Variants in ADCY2 observed in about 807,000 individuals in gnomAD.
ADCY2 encodes the protein adenylate cyclase type 2.
In ADCY2, 31 loss-of-function variants were observed where a neutral mutation model predicts 125.2. That is an observed-to-expected ratio of 0.25 (90% confidence interval 0.19 to 0.33). ADCY2 has a LOEUF of 0.33. ADCY2 is among the 10% of genes least tolerant of loss of function. ADCY2 has a pLI of 1.00. For missense variants in ADCY2, 904 were observed against 1,418.2 expected (o/e 0.64, Z 5.82); for synonymous variants, 512 against 548.4 (o/e 0.93, Z 0.93).
At chr5:7,674,792 T>C (rs947601078) in intron 4 of ADCY2, among the ~76,000 whole-genome samples, 9 of 152,184 alleles carry the variant, frequency 5.9e-5, no homozygotes, top group African/African-American at 2.2e-4. Context: ...TTGAAGTTTA[T>C]AATACTGAAC....
intron 3 of ADCY2, among the ~76,000 whole-genome samples, chr5:7,560,775 A>G (rs1205616415): frequency 2.0e-5 from 3 of 151,848 alleles, no homozygotes; most frequent in African/African-American, 7.2e-5. Flanking sequence ...TGCAACCTCC[A>G]CCTCCGAGAT....
chr5:7,812,643 C>T lies in ADCY2; in HGVS notation c.2884-4223C>T, dbSNP rs549040806. Among the ~76,000 whole-genome samples, 128 of 152,300 alleles carry T rather than the reference C, an allele frequency of 8.4e-4. 2 individuals are homozygous for T. The highest frequency in any genetic ancestry group is 1.0e-3 in the Admixed American group (16 of 15,300). On this transcript the variant is annotated intron_variant, in intron 22 of 24. Transcript: ENST00000338316. The stretch of plus-strand genomic sequence containing the variant: ...AGGGAGTTGGCTGGGTGCAGTGGCT[C>T]GTGCCTGTAATCCCAGCACTTTGAG...
intron 2 of ADCY2, among the ~76,000 whole-genome samples, chr5:7,486,724 AG>A (rs199931260): frequency 2.0e-4 from 31 of 152,236 alleles, no homozygotes; most frequent in African/African-American, 3.1e-4. Flanking sequence ...TTACAAAAAA[AG>A]AAAAAAATAC....
chr5:7,456,805 T>C (rs927816916), intron 2 of ADCY2, among the ~76,000 whole-genome samples: 3 of 152,238 alleles, frequency 2.0e-5, no homozygotes, highest in African/African-American at 7.2e-5. Flanking sequence ...TCCTTTTTTA[T>C]ATTAAAATCT....
intron 15 of ADCY2, among the ~76,000 whole-genome samples, chr5:7,754,674 G>A (rs1326314883): frequency 6.6e-6 from 1 of 151,596 alleles, no homozygotes; most frequent in Non-Finnish European, 1.5e-5. Context: ...TGTATTATAG[G>A]TTGGTGCAAA....
chr5:7,665,828 C>CTTTTTTTTTTTTT lies in ADCY2; in HGVS notation c.721-24847_721-24835dup, dbSNP rs70940750. Among the ~76,000 whole-genome samples the CTTTTTTTTTTTTT allele has an allele frequency of 1.6e-4, 6 of 38,632 alleles. 3 individuals are homozygous for CTTTTTTTTTTTTT. The highest frequency in any genetic ancestry group is 2.1e-4 in the African/African-American group (2 of 9,634). The allele number at this position is 38,632 out of a possible 152,430, so 25.3% of individuals were successfully genotyped here. On this transcript the variant is annotated intron_variant, in intron 4 of 24. Coordinates refer to ENST00000338316, the MANE Select transcript of ADCY2 (RefSeq NM_020546.3). ...TGTTTTGTTTTTTTTTAATTTAATT[C>CTTTTTTTTTTTTT]TTTTTTTTTTTTTTTTTTTTTTTTT...
intron 2 of ADCY2, among the ~76,000 whole-genome samples, chr5:7,442,888 CT>C (rs1741066452): frequency 6.6e-6 from 1 of 152,106 alleles, no homozygotes; most frequent in African/African-American, 2.4e-5. Flanking sequence ...CACATAAACT[CT>C]TGGATTGATA....
intron 10 of ADCY2, among the ~76,000 whole-genome samples, chr5:7,710,387 C>CATAG (rs922741573): frequency 6.6e-6 from 1 of 152,058 alleles, no homozygotes; most frequent in African/African-American, 2.4e-5. Context: ...AAGGAGGGAC[C>CATAG]ATAGATAGAA....
At chr5:7,596,606 A>G (rs967158600) in intron 3 of ADCY2, among the ~76,000 whole-genome samples, 3 of 152,144 alleles carry the variant, frequency 2.0e-5, no homozygotes, top group Admixed American at 6.5e-5. Flanking sequence ...CGGGGAGGTC[A>G]CCTCACACCT....
rs575242795 is a variant in ADCY2, at chr5:7,828,570, C to T, written c.*1699C>T. ...GAAGCTGATAACCGTCCTTCATCAC[C>T]GAAGTGTGAGTAGAGCATGACTTAT... is the stretch of plus-strand genomic sequence containing the variant. On this transcript the variant is annotated 3_prime_UTR_variant, in exon 25 of 25. Transcript: ENST00000338316. 4 of 152,392 alleles carry T rather than the reference C, an allele frequency of 2.6e-5. No homozygotes were observed. The highest frequency in any genetic ancestry group is 3.4e-3 in the Middle Eastern group (1 of 294). 9.4% of individuals were successfully genotyped at this position (152,392 alleles called of 1,614,324 possible).
At chr5:7,789,391 T>A (rs1032492655) in intron 19 of ADCY2, among the ~76,000 whole-genome samples, 1 of 152,216 alleles carries the variant, frequency 6.6e-6, no homozygotes, top group Non-Finnish European at 1.5e-5. Flanking sequence ...TTAATGGCGC[T>A]TTGAATTTAA....
chr5:7,665,126 A>T (rs1739668269), intron 4 of ADCY2, among the ~76,000 whole-genome samples: 1 of 152,120 alleles, frequency 6.6e-6, no homozygotes, highest in African/African-American at 2.4e-5. Context: ...TGTTCTTGGC[A>T]ACTCCTGAGG....
intron 4 of ADCY2, among the ~76,000 whole-genome samples, chr5:7,679,399 A>G (rs1013036941): frequency 1.3e-4 from 20 of 152,226 alleles, no homozygotes; most frequent in Admixed American, 1.2e-3. Context: ...GCCTTGTCCA[A>G]CGTGTTAGAA....
At chr5:7,697,677 A>C (rs1740938964) in intron 6 of ADCY2, among the ~76,000 whole-genome samples, 1 of 152,370 alleles carries the variant, frequency 6.6e-6, no homozygotes, top group Non-Finnish European at 1.5e-5. Context: ...ACATTAAAAC[A>C]GTTGAGCCTA....
intron 2 of ADCY2, among the ~76,000 whole-genome samples, chr5:7,428,685 C>G (rs529807560): frequency 6.6e-6 from 1 of 152,256 alleles, no homozygotes; most frequent in South Asian, 2.1e-4. Flanking sequence ...TGTCCATGTT[C>G]AAACATGATG....
At chr5:7,777,686 C>T (rs1159745181) in intron 18 of ADCY2, among the ~76,000 whole-genome samples, 1 of 152,252 alleles carries the variant, frequency 6.6e-6, no homozygotes, top group African/African-American at 2.4e-5. Context: ...TCAGAACCAA[C>T]TTGGCATTGC....
intron 2 of ADCY2, among the ~76,000 whole-genome samples, chr5:7,439,945 A>C (rs189714287): frequency 9.1e-4 from 138 of 152,254 alleles, no homozygotes; most frequent in African/African-American, 3.0e-3. Flanking sequence ...AGAGCTCAAG[A>C]GAAAGGTTGT....
At chr5:7,518,588 C>T (rs1369288665) in intron 2 of ADCY2, among the ~76,000 whole-genome samples, 1 of 152,042 alleles carries the variant, frequency 6.6e-6, no homozygotes, top group African/African-American at 2.4e-5. Context: ...AATGTGTTCC[C>T]CCACAGTTTT....
intron 1 of ADCY2, among the ~76,000 whole-genome samples, chr5:7,398,356 C>G (rs147132413): frequency 6.6e-6 from 1 of 152,154 alleles, no homozygotes; most frequent in Non-Finnish European, 1.5e-5. Context: ...TTAAAGCACC[C>G]TTCTTTGAAT....
Sources: allele counts gnomAD v4.1 joint callset (sites outside exome capture counted in the v4.1 genomes callset), GRCh38; gene constraint gnomAD v4.1.1; transcripts MANE v1.5; gene names NCBI Gene and HGNC (gene_info 2026-07-23, HGNC 2026-07-21).